The following RSPH14 variants were observed in gnomAD, a reference collection of about 807,000 sequenced individuals.
The protein encoded by RSPH14 is radial spoke head 14 homolog, also known as rhabdoid tumor deletion region gene 1.
Under a neutral mutation model 26.7 loss-of-function variants are expected in RSPH14, and 20 were observed. That is an observed-to-expected ratio of 0.75 (90% confidence interval 0.53 to 1.09). RSPH14 has a LOEUF of 1.09. Ranked by LOEUF, RSPH14 falls within the 50% of genes least tolerant of loss-of-function variation. The probability of loss-of-function intolerance (pLI) is 0.00; values close to 1 mark genes in which losing one functional copy is unlikely to be tolerated. For synonymous variants in RSPH14, 177 were observed against 189.3 expected (o/e 0.93, Z 0.53); for missense variants, 449 against 457.2 (o/e 0.98, Z 0.16).
At chr22:23,087,614 C>G (rs1473986312) in intron 4 of RSPH14, among the ~76,000 whole-genome samples, 1 of 152,158 alleles carries the variant, frequency 6.6e-6, no homozygotes, top group Admixed American at 6.5e-5. Flanking sequence ...AAATCAGTCT[C>G]CTGGAGCATT....
In RSPH14 at chr22:23,140,285, C is replaced by T; in HGVS notation, c.136G>A (p.Ala46Thr). ...QSEDLQTRQK[A>T]LMALCDLMHD... is the part of the protein sequence containing the mutation. ...ATGAGGTCACACAAGGCCATGAGGG[C>T]TTTCTGCCTCGTCTGGAGGTCCTCT... The change falls in exon 2 of 7, where the codon GCC (alanine) becomes ACC (threonine). Residue 46 changes from alanine to threonine, a missense_variant. Transcript: ENST00000216036. The T allele has an allele frequency of 6.2e-7, 1 of 1,614,188 alleles. No individual in the cohort carries two copies. Among genetic ancestry groups the T allele is most frequent in the Non-Finnish European group, 8.5e-7 (1 of 1,180,044 alleles).
At chr22:23,124,634 G>C (rs1348586583) in intron 4 of RSPH14, 1 of 218,836 alleles carries the variant, frequency 4.6e-6, no homozygotes, top group Non-Finnish European at 9.7e-6. Flanking sequence ...TGAAGGAAGG[G>C]GAGCAAGGGG....
intron 4 of RSPH14, among the ~76,000 whole-genome samples, chr22:23,081,863 C>G (rs1024081038): frequency 1.4e-5 from 2 of 146,410 alleles, no homozygotes; most frequent in African/African-American, 5.1e-5. Context: ...CAGTGGCTCA[C>G]GCCTGTAATC....
In RSPH14 at chr22:23,138,854, G is replaced by T. The variant is rs1490584397; in HGVS notation, c.288C>A (p.Ser96Arg). 5.8e-6 allele frequency: 9 copies of T among 1,551,402 alleles called. No homozygotes were observed. The highest frequency in any genetic ancestry group is 7.8e-6 in the Non-Finnish European group (9 of 1,147,098). Residue 96 changes from serine to arginine, a missense_variant, in exon 3 of 7, where the codon AGC becomes AGA. By Grantham distance (110) the Ser-to-Arg change is moderately radical. Transcript: ENST00000216036. ...KTTEVLHITA[S>R]HSVGRYAFLE... is the part of the protein sequence containing the mutation. ...CAGCATCCCACCTGCCCACGCTATGGCTTGCCGTGATGTGGAGCACCTCGG... is the reference window on the plus strand; with the variant it reads ...CAGCATCCCACCTGCCCACGCTATGTCTTGCCGTGATGTGGAGCACCTCGG...
chr22:23,072,428 G>T (rs182905204), intron 4 of RSPH14, among the ~76,000 whole-genome samples: 4 of 152,180 alleles, frequency 2.6e-5, no homozygotes, highest in Admixed American at 2.6e-4. Context: ...TCTAACTGAC[G>T]TTGATTTTCT....
At chr22:23,063,032 G>A (rs2068126222) in intron 5 of RSPH14, among the ~76,000 whole-genome samples, 1 of 152,230 alleles carries the variant, frequency 6.6e-6, no homozygotes, top group East Asian at 1.9e-4. Flanking sequence ...GGTGGTCACA[G>A]TGGACATGGG....
intron 4 of RSPH14, among the ~76,000 whole-genome samples, chr22:23,086,633 C>G (rs1216967900): frequency 6.6e-6 from 1 of 152,234 alleles, no homozygotes; most frequent in Non-Finnish European, 1.5e-5. Flanking sequence ...AAGACCCTCC[C>G]CGGGGCCCAG....
At chr22:23,092,329 G>T (rs1199933229) in intron 4 of RSPH14, among the ~76,000 whole-genome samples, 1 of 152,154 alleles carries the variant, frequency 6.6e-6, no homozygotes, top group Non-Finnish European at 1.5e-5. Context: ...CCAACGCAAG[G>T]CTTCCTTACA....
At chr22:23,157,742 C>T in the RSPH14 span, among the ~76,000 whole-genome samples, 1 of 152,218 alleles carries the variant, frequency 6.6e-6, no homozygotes, top group African/African-American at 2.4e-5. Flanking sequence ...TGCGCTCGCT[C>T]CACGCCTACC....
intron 1 of RSPH14, among the ~76,000 whole-genome samples, chr22:23,141,294 A>C (rs1448724052): frequency 7.1e-6 from 1 of 141,730 alleles, no homozygotes; most frequent in Non-Finnish European, 1.5e-5. Flanking sequence ...GCGCCACTGC[A>C]CTCCAGCCTG....
chr22:23,091,553 TGCATACATGCACAC>T (rs2068977989), intron 4 of RSPH14, among the ~76,000 whole-genome samples: 1 of 150,640 alleles, frequency 6.6e-6, no homozygotes, highest in South Asian at 2.1e-4. Context: ...CAGGGAGCTA[TGCATACATGCACAC>T]GCACCGCAGT....
intron 3 of RSPH14, among the ~76,000 whole-genome samples, chr22:23,135,746 G>T (rs541536596): frequency 5.8e-4 from 88 of 152,036 alleles, no homozygotes; most frequent in African/African-American, 1.4e-3. Flanking sequence ...TTTGTGTTTT[G>T]GGTTAAAATG....
intron 4 of RSPH14, among the ~76,000 whole-genome samples, chr22:23,130,496 A>AAG (rs67156030): frequency 0.042 from 4,659 of 110,542 alleles, 549 homozygotes; most frequent in South Asian, 0.083. Flanking sequence ...GAAGGAAAGA[A>AAG]AAAGAAAGAA....
the RSPH14 span, chr22:23,157,941 T>TG: frequency 6.2e-7 from 1 of 1,611,864 alleles, no homozygotes; most frequent in Non-Finnish European, 8.5e-7. Flanking sequence ...GGAGCCCCCT[T>TG]GCTCGCCTCG....
rs2070479488 is a variant in RSPH14, at chr22:23,136,158, G to T, written c.303-2014C>A. On this transcript the variant is annotated intron_variant, in intron 3 of 6. Transcript: ENST00000216036. ...CATGTCTCTCATGCTTTGATAGTCA[G>T]TTGTGTTTGCCTGTGTGCCTCCTCA... 19 of 666,746 alleles carry T rather than the reference G, an allele frequency of 2.8e-5. No homozygotes were observed. The South Asian group carries it at 3.2e-4, about 11-fold the overall frequency. 41.3% of individuals were successfully genotyped at this position (666,746 alleles called of 1,614,324 possible). A position where few individuals can be genotyped will look rare whatever the true frequency, so the allele number is the denominator to read the frequency against.
chr22:23,148,262 C>G (rs905364423), upstream of RSPH14, among the ~76,000 whole-genome samples: 1 of 152,204 alleles, frequency 6.6e-6, no homozygotes, highest in Non-Finnish European at 1.5e-5. Context: ...TCCATCTCAA[C>G]AGAGGCTCAG....
At chr22:23,069,690 C>T (rs2068290516) in intron 4 of RSPH14, among the ~76,000 whole-genome samples, 1 of 152,180 alleles carries the variant, frequency 6.6e-6, no homozygotes, top group South Asian at 2.1e-4. Flanking sequence ...CGCCAAAGAG[C>T]CCCTAGACAC....
chr22:23,063,173 G>T (rs1308797918), intron 5 of RSPH14, among the ~76,000 whole-genome samples: 5 of 152,186 alleles, frequency 3.3e-5, no homozygotes, highest in Non-Finnish European at 5.9e-5. Flanking sequence ...ACAGGGCCCA[G>T]GAATCTGCAT....
chr22:23,079,502 T>C (rs2146266005), intron 4 of RSPH14, among the ~76,000 whole-genome samples: 1 of 152,170 alleles, frequency 6.6e-6, no homozygotes, highest in African/African-American at 2.4e-5. Flanking sequence ...AGGCCAGGCA[T>C]TGCACAGCCC....
Sources: allele counts gnomAD v4.1 joint callset (sites outside exome capture counted in the v4.1 genomes callset), GRCh38; gene constraint gnomAD v4.1.1; transcripts MANE v1.5; gene names NCBI Gene and HGNC (gene_info 2026-07-23, HGNC 2026-07-21).